Variants in ZNRF1 observed in about 807,000 individuals in gnomAD.
The protein encoded by ZNRF1 is E3 ubiquitin-protein ligase ZNRF1.
In ZNRF1, 3 loss-of-function variants were observed where a neutral mutation model predicts 18.4. That is an observed-to-expected ratio of 0.16 (90% CI 0.07 to 0.42). The LOEUF is 0.42. ZNRF1 is among the 10% of genes least tolerant of loss of function. ZNRF1 has a pLI of 0.99. For missense variants in ZNRF1, 310 were observed against 329.8 expected, an observed-to-expected ratio of 0.94 and a Z score of 0.47; for synonymous variants, 157 against 144.2, an observed-to-expected ratio of 1.09 and a Z score of -0.64.
chr16:75,099,383 C>T lies in ZNRF1; in HGVS notation c.521-5401C>T, dbSNP rs368342239. Among the ~76,000 whole-genome samples the T allele has an allele frequency of 2.0e-3, 306 of 152,280 alleles. 1 individual carries two copies. Among genetic ancestry groups the T allele is most frequent in the African/African-American group, 6.5e-3 (272 of 41,556 alleles). On this transcript the variant is annotated intron_variant, in intron 2 of 4. Coordinates refer to ENST00000335325, the MANE Select transcript of ZNRF1 (RefSeq NM_032268.5). ...CCAGGGAGGGAGCAGAAGATGCCAC[C>T]GCCTCCCACCCCCAGCCCATCACAG... is the stretch of plus-strand genomic sequence containing the variant.
chr16:75,002,027 G>C (rs2034857567), intron 1 of ZNRF1, among the ~76,000 whole-genome samples: 1 of 152,136 alleles, frequency 6.6e-6, no homozygotes, highest in Admixed American at 6.5e-5. Flanking sequence ...ATTCCTTACT[G>C]TGTAGGACCA....
intron 1 of ZNRF1, among the ~76,000 whole-genome samples, chr16:75,033,502 C>T (rs1407342035): frequency 6.9e-6 from 1 of 145,286 alleles, no homozygotes; most frequent in Non-Finnish European, 1.5e-5. Flanking sequence ...TGCAATGGCG[C>T]AATCTTGGCT....
intron 2 of ZNRF1, chr16:75,104,128 C>T (rs2036285677): frequency 6.6e-6 from 1 of 152,316 alleles, no homozygotes; most frequent in Non-Finnish European, 1.5e-5. Flanking sequence ...TGGGTTCATA[C>T]AATAGGTGGT....
At chr16:75,001,341 T>C (rs1182240274) in intron 1 of ZNRF1, among the ~76,000 whole-genome samples, 1 of 152,198 alleles carries the variant, frequency 6.6e-6, no homozygotes. Flanking sequence ...CTGTAAACTT[T>C]AATTTGTGAA....
intron 1 of ZNRF1, among the ~76,000 whole-genome samples, chr16:75,090,869 C>T (rs1038979960): frequency 3.9e-5 from 6 of 152,152 alleles, no homozygotes; most frequent in Admixed American, 3.9e-4. Flanking sequence ...ACCAGAGTCA[C>T]GGCTTTTCAT....
intron 1 of ZNRF1, among the ~76,000 whole-genome samples, chr16:75,054,532 A>C (rs1361916237): frequency 2.0e-5 from 3 of 152,232 alleles, no homozygotes; most frequent in African/African-American, 7.2e-5. Context: ...GGGTATGGTC[A>C]GAGTGGAGGT....
chr16:74,999,793 G>A lies in ZNRF1; in HGVS notation c.122G>A (p.Gly41Asp). Residue 41 changes from glycine (G) to aspartate (D), a missense_variant, in exon 1 of 5, where the codon GGC (glycine) becomes GAC (aspartate). Physicochemically the swap from Gly to Asp is moderately conservative, Grantham distance 94. Transcript: ENST00000335325. ...APHFGHYRTGGGAMGLRSRSV... is the reference protein window; with the variant it reads ...APHFGHYRTGDGAMGLRSRSV... ...CATTTCGGGCACTACCGGACGGGCG[G>A]CGGGGCCATGGGGCTGCGCAGCCGC... is the stretch of plus-strand genomic sequence containing the variant. 1.4e-6 allele frequency: 2 copies of A among 1,416,612 alleles called. No homozygotes were observed. Among genetic ancestry groups the A allele is most frequent in the African/African-American group, 1.5e-5 (1 of 66,188 alleles). The allele number at this position is 1,416,612 out of a possible 1,614,324, so 87.8% of individuals were successfully genotyped here. A position where few individuals can be genotyped will look rare whatever the true frequency, so the allele number is the denominator to read the frequency against.
At chr16:75,093,246 G>A (rs1307884469) in intron 1 of ZNRF1, among the ~76,000 whole-genome samples, 1 of 152,126 alleles carries the variant, frequency 6.6e-6, no homozygotes, top group African/African-American at 2.4e-5. Flanking sequence ...TTAGCCAGGC[G>A]TCATGGCAGA....
At chr16:75,098,993 A>C (rs1198482137) in intron 2 of ZNRF1, among the ~76,000 whole-genome samples, 1 of 152,166 alleles carries the variant, frequency 6.6e-6, no homozygotes, top group Non-Finnish European at 1.5e-5. Context: ...CTGTTCACTC[A>C]GTGACCAGGT....
chr16:75,000,357 C>T (rs752194743), intron 1 of ZNRF1: 51 of 654,142 alleles, frequency 7.8e-5, no homozygotes, highest in South Asian at 7.4e-4. Flanking sequence ...ATTGGAGTTC[C>T]ATTTATTGGC....
chr16:75,040,042 C>CTTTTTTTTTTTTTTTTT (rs57122648), intron 1 of ZNRF1, among the ~76,000 whole-genome samples: 6 of 78,856 alleles, frequency 7.6e-5, no homozygotes, highest in African/African-American at 2.8e-4. Flanking sequence ...TCTTTTCTTT[C>CTTTTTTTTTTTTTTTTT]TTTTTTTTTT....
intron 1 of ZNRF1, among the ~76,000 whole-genome samples, chr16:75,035,544 T>A (rs924069485): frequency 2.0e-5 from 3 of 152,042 alleles, no homozygotes; most frequent in African/African-American, 7.2e-5. Flanking sequence ...GAAGCAAATT[T>A]TAGAGCAGGA....
chr16:75,021,185 T>G (rs948169844), intron 1 of ZNRF1, among the ~76,000 whole-genome samples: 3 of 152,150 alleles, frequency 2.0e-5, no homozygotes, highest in African/African-American at 7.2e-5. Flanking sequence ...GGATCACAAG[T>G]GTGTGCCACC....
chr16:75,065,431 A>G (rs1302073591), intron 1 of ZNRF1, among the ~76,000 whole-genome samples: 1 of 152,236 alleles, frequency 6.6e-6, no homozygotes, highest in Admixed American at 6.5e-5. Context: ...ACACCTTTGT[A>G]GTAGCAGTGC....
intron 1 of ZNRF1, among the ~76,000 whole-genome samples, chr16:75,010,705 T>TTTATTG (rs2034984772): frequency 2.5e-5 from 1 of 40,228 alleles, no homozygotes; most frequent in Non-Finnish European, 1.0e-4. Context: ...TGTACTGTTT[T>TTTATTG]TTTTTGTTTT....
intron 1 of ZNRF1, among the ~76,000 whole-genome samples, chr16:75,089,374 G>T (rs779947858): frequency 6.6e-6 from 1 of 152,266 alleles, no homozygotes; most frequent in South Asian, 2.1e-4. Context: ...CTCCCACAAT[G>T]CTGGTATTAC....
At chr16:75,082,400 A>G (rs2036023246) in intron 1 of ZNRF1, among the ~76,000 whole-genome samples, 1 of 152,186 alleles carries the variant, frequency 6.6e-6, no homozygotes, top group Non-Finnish European at 1.5e-5. Context: ...ACTGTTGCTG[A>G]GGATCCACCT....
At chr16:75,071,224 G>A (rs1032319056) in intron 1 of ZNRF1, among the ~76,000 whole-genome samples, 4 of 151,658 alleles carry the variant, frequency 2.6e-5, no homozygotes, top group East Asian at 1.9e-4. Flanking sequence ...CTCAGCCTCC[G>A]AAGTAGCTGG....
At chr16:75,040,755 C>T (rs750581364) in intron 1 of ZNRF1, among the ~76,000 whole-genome samples, 3 of 151,274 alleles carry the variant, frequency 2.0e-5, no homozygotes, top group East Asian at 1.9e-4. Context: ...TATGGGTGCG[C>T]GCCACCATGC....
Sources: allele counts gnomAD v4.1 joint callset (sites outside exome capture counted in the v4.1 genomes callset), GRCh38; gene constraint gnomAD v4.1.1; transcripts MANE v1.5; gene names NCBI Gene and HGNC (gene_info 2026-07-23, HGNC 2026-07-21).